Variants in MROH1 observed in about 807,000 individuals in gnomAD.
MROH1 encodes maestro heat-like repeat-containing protein family member 1.
MROH1 carries 117 observed loss-of-function variants against 116.5 expected under a neutral mutation model. The observed-to-expected ratio is 1.00, with a 90% CI of 0.86 to 1.17. The LOEUF is 1.17. MROH1 is among the 50% of genes most tolerant of loss of function. The pLI is 0.00. For missense variants in MROH1, 1,873 were observed against 1,338.5 expected (o/e 1.40, Z -6.23); for synonymous variants, 921 against 583.9 (o/e 1.58, Z -8.32).
At position 144,244,293 on chromosome 8, in the gene MROH1, C is replaced by T. The variant is rs966781406; in HGVS notation, c.2627C>T (p.Ala876Val). Residue 876 changes from alanine to valine, a missense_variant, in exon 27 of 44, where the codon GCC (alanine) becomes GTC (valine). By Grantham distance (64) the Ala-to-Val change is moderately conservative (BLOSUM62 0). Coordinates refer to ENST00000326134, the MANE Select transcript of MROH1 (RefSeq NM_032450.3). ...CATGGCTGCCTGCACAGCATCATGGCCCTGCTGCCTGAGCCCAAGGAGGAG... is the reference window on the plus strand; with the variant it reads ...CATGGCTGCCTGCACAGCATCATGGTCCTGCTGCCTGAGCCCAAGGAGGAG... ...VIHGCLHSIM[A>V]LLPEPKEEDG... 5.6e-6 allele frequency: 4 copies of T among 719,526 alleles called. No individual in the cohort carries two copies. The highest frequency in any genetic ancestry group is 5.2e-6 in the Non-Finnish European group (2 of 385,560). 44.6% of individuals were successfully genotyped at this position (719,526 alleles called of 1,614,324 possible). A position where few individuals can be genotyped will look rare whatever the true frequency, so the allele number is the denominator to read the frequency against.
At chr8:144,208,406 G>GA (rs1392938061) in intron 12 of MROH1, among the ~76,000 whole-genome samples, 3 of 17,676 alleles carry the variant, frequency 1.7e-4, no homozygotes, top group Non-Finnish European at 5.7e-4. Flanking sequence ...TGGTGGGTGG[G>GA]GTTTTTTTTT....
At chr8:144,243,448 C>T (rs1302469670) in intron 24 of MROH1, 46 bp from the exon 25 acceptor site, 1 of 775,656 alleles carries the variant, frequency 1.3e-6, no homozygotes. Context: ...GGGTTCAGCC[C>T]TGGAGGGCGG....
intron 10 of MROH1, among the ~76,000 whole-genome samples, chr8:144,197,124 G>C (rs1337841911): frequency 6.6e-6 from 1 of 152,138 alleles, no homozygotes; most frequent in East Asian, 1.9e-4. Context: ...AACAACATCT[G>C]TTATCTCACA....
intron 1 of MROH1, among the ~76,000 whole-genome samples, chr8:144,153,201 C>CTT (rs1186362093): frequency 8.9e-5 from 13 of 145,328 alleles, no homozygotes; most frequent in African/African-American, 3.3e-4. Context: ...GGAATTCCTT[C>CTT]TTTTTTTTTT....
chr8:144,154,468 A>C (rs1006499521), intron 1 of MROH1, among the ~76,000 whole-genome samples: 1 of 152,070 alleles, frequency 6.6e-6, no homozygotes, highest in African/African-American at 2.4e-5. Flanking sequence ...AAACCTGATG[A>C]AGAATGTGGG....
At chr8:144,189,848 AGTGGGCAGGAACTT>A (rs902489407) in intron 7 of MROH1, among the ~76,000 whole-genome samples, 2 of 152,150 alleles carry the variant, frequency 1.3e-5, no homozygotes, top group African/African-American at 4.8e-5. Flanking sequence ...GGCAGACTGG[AGTGGGCAGGAACTT>A]GTGGGCAGAG....
At chr8:144,227,712 G>A (rs1158860359) in intron 14 of MROH1, among the ~76,000 whole-genome samples, 2 of 152,098 alleles carry the variant, frequency 1.3e-5, no homozygotes, top group Middle Eastern at 3.2e-3. Flanking sequence ...CACTTTGGGA[G>A]GCCAAGGCAG....
intron 3 of MROH1, among the ~76,000 whole-genome samples, chr8:144,166,312 C>G (rs1820816871): frequency 1.3e-5 from 2 of 152,212 alleles, no homozygotes; most frequent in Non-Finnish European, 2.9e-5. Context: ...GAAGTTGTAG[C>G]AGCATTGCCG....
intron 9 of MROH1, 64 bp from the exon 10 acceptor site, chr8:144,192,245 T>G: frequency 2.9e-6 from 4 of 1,403,474 alleles, no homozygotes; most frequent in Non-Finnish European, 3.9e-6. Context: ...AGGCTCTGAT[T>G]GACCTTAGTC....
At chr8:144,154,999 G>A (rs1364437743) in intron 1 of MROH1, among the ~76,000 whole-genome samples, 2 of 152,080 alleles carry the variant, frequency 1.3e-5, no homozygotes, top group Non-Finnish European at 2.9e-5. Context: ...TGTATTTTTA[G>A]CAGAGATGGG....
In MROH1 at chr8:144,243,566, G is replaced by C. The variant is rs1009477947; in HGVS notation, c.2425G>C (p.Ala809Pro). ...VSRAICSSTQ[A>P]GSFHFTRKAE... Reference sequence around the variant, plus strand: ...CCGCGCCATCTGCAGCAGCACCCAGGCTGGCTCCTTCCACTTCACCCGGAA... The same window carrying C: ...CCGCGCCATCTGCAGCAGCACCCAGCCTGGCTCCTTCCACTTCACCCGGAA... The change falls in exon 25 of 44, where the codon GCT (alanine) becomes CCT (proline). Residue 809 changes from alanine to proline, a missense_variant. Transcript: ENST00000326134. 1.5e-5 allele frequency: 12 copies of C among 780,046 alleles called. No individual in the cohort carries two copies. In the African/African-American group the frequency reaches 1.7e-4, roughly 11 times the overall value. 48.3% of individuals were successfully genotyped at this position (780,046 alleles called of 1,614,324 possible). A position where few individuals can be genotyped will look rare whatever the true frequency, so the allele number is the denominator to read the frequency against.
At chr8:144,164,093 CTTTT>C (rs776748346) in intron 3 of MROH1, among the ~76,000 whole-genome samples, 1 of 135,250 alleles carries the variant, frequency 7.4e-6, no homozygotes, top group Non-Finnish European at 1.6e-5. Context: ...GTTTGTTTTA[CTTTT>C]TTTTTTTTTT....
intron 9 of MROH1, 50 bp downstream of exon 9, chr8:144,191,905 G>T: frequency 6.2e-7 from 1 of 1,607,190 alleles, no homozygotes; most frequent in South Asian, 1.1e-5. Flanking sequence ...CCTCCAATCA[G>T]ACTCCCCGGG....
At chr8:144,168,729 T>C (rs1219439701) in intron 4 of MROH1, among the ~76,000 whole-genome samples, 1 of 152,210 alleles carries the variant, frequency 6.6e-6, no homozygotes, top group Non-Finnish European at 1.5e-5. Context: ...GGCCGGGCTG[T>C]GTGCCTAGTG....
At chr8:144,250,555 T>C in intron 33 of MROH1, 189 bp downstream of exon 33, 1 of 662,862 alleles carries the variant, frequency 1.5e-6, no homozygotes, top group Non-Finnish European at 2.7e-6. Flanking sequence ...CGGGGACCTC[T>C]CCTCTCCAGG....
At chr8:144,241,140 A>T in intron 21 of MROH1, 29 bp downstream of exon 21, 2 of 731,736 alleles carry the variant, frequency 2.7e-6, no homozygotes, top group African/African-American at 3.5e-5. Flanking sequence ...CAGAAGCCCC[A>T]GACACCCCAG....
intron 14 of MROH1, among the ~76,000 whole-genome samples, chr8:144,234,831 T>A (rs558173181): frequency 8.6e-5 from 13 of 151,374 alleles, no homozygotes; most frequent in Admixed American, 7.9e-4. Context: ...ATTATTTTCT[T>A]AATTTCATTT....
At position 144,257,626 on chromosome 8, in the gene MROH1, C is replaced by G. The variant is rs1005494026; in HGVS notation, c.3792-1151C>G. On this transcript the variant is annotated intron_variant, in intron 35 of 43. Coordinates refer to ENST00000326134, the MANE Select transcript of MROH1 (RefSeq NM_032450.3). ...ATCCCACCTGCATGAGGGCCTCACA[C>G]ACCATCCAGGCGAGTAGGGCCTGGC... Among the ~76,000 whole-genome samples, 15 of 152,342 alleles carry G rather than the reference C, an allele frequency of 9.8e-5. 2 individuals are homozygous for G. Among genetic ancestry groups the G allele is most frequent in the African/African-American group, 3.6e-4 (15 of 41,582 alleles).
chr8:144,260,535 GC>G (rs1327232338), intron 39 of MROH1, 141 bp from the exon 40 acceptor site: 3 of 740,394 alleles, frequency 4.1e-6, no homozygotes, highest in South Asian at 1.4e-5. Context: ...GGGCCTGGCA[GC>G]CCCCACCCGT....
Sources: gnomAD v4.1 joint callset for allele counts (sites outside exome capture counted in the v4.1 genomes callset) on GRCh38, gnomAD v4.1.1 for gene constraint, MANE v1.5 for transcripts, NCBI Gene and HGNC (gene_info 2026-07-23, HGNC 2026-07-21) for gene names.